RORA: variants seen among roughly 807,000 people sequenced by gnomAD.
RORA encodes nuclear receptor ROR-alpha.
A neutral mutation model predicts 69.5 loss-of-function variants in RORA; 7 were observed. That is an observed-to-expected ratio of 0.10 (90% CI 0.06 to 0.19). The LOEUF is 0.19. Among genes scored for constraint, RORA ranks in the 10% least tolerant of loss-of-function variants. The pLI, the probability that RORA is intolerant of heterozygous loss-of-function variation, is 1.00. For synonymous variants in RORA, 261 were observed against 240.8 expected, an observed-to-expected ratio of 1.08 and a Z score of -0.78; for missense variants, 457 against 663.0, an observed-to-expected ratio of 0.69 and a Z score of 3.41.
At chr15:60,722,311 G>A (rs1446238606) in intron 1 of RORA, among the ~76,000 whole-genome samples, 1 of 152,184 alleles carries the variant, frequency 6.6e-6, no homozygotes, top group African/African-American at 2.4e-5. Flanking sequence ...TGAAACTGAA[G>A]AGGAAATAAA....
chr15:60,920,160 A>G (rs1892000014), intron 1 of RORA, among the ~76,000 whole-genome samples: 1 of 152,182 alleles, frequency 6.6e-6, no homozygotes. Flanking sequence ...GCAGAAAAGA[A>G]AGCTTCCGGA....
At chr15:60,643,660 C>G (rs2069985085) in intron 2 of RORA, among the ~76,000 whole-genome samples, 1 of 152,146 alleles carries the variant, frequency 6.6e-6, no homozygotes, top group Non-Finnish European at 1.5e-5. Context: ...CTTGGCGACA[C>G]CCCCTAGCCT....
chr15:60,826,756 TCTCTCTCTCC>T (rs1246075342), intron 1 of RORA, among the ~76,000 whole-genome samples: 2 of 96,410 alleles, frequency 2.1e-5, no homozygotes, highest in African/African-American at 5.5e-5. Context: ...TCTCTCTCTC[TCTCTCTCTCC>T]CTCTCTCTCT....
chr15:60,676,133 G>A (rs898942769), intron 2 of RORA, among the ~76,000 whole-genome samples: 1 of 152,180 alleles, frequency 6.6e-6, no homozygotes, highest in Non-Finnish European at 1.5e-5. Context: ...GTATAGGCAA[G>A]TTAGGACAGT....
At chr15:61,211,695 T>C (rs962650931) in intron 1 of RORA, among the ~76,000 whole-genome samples, 3 of 152,278 alleles carry the variant, frequency 2.0e-5, no homozygotes, top group Admixed American at 6.5e-5. Flanking sequence ...AGGGATGCCT[T>C]TCCAACAGGG....
chr15:60,744,140 G>A (rs1039225030), intron 1 of RORA, among the ~76,000 whole-genome samples: 3 of 151,786 alleles, frequency 2.0e-5, no homozygotes, highest in Non-Finnish European at 4.4e-5. Flanking sequence ...ATTATGATAG[G>A]TGGAATTTTG....
At chr15:61,029,826 C>T (rs1034907978) in intron 1 of RORA, among the ~76,000 whole-genome samples, 13 of 152,108 alleles carry the variant, frequency 8.5e-5, no homozygotes, top group African/African-American at 3.1e-4. Flanking sequence ...GAGATCAAAG[C>T]CTTTGGTATC....
intron 1 of RORA, among the ~76,000 whole-genome samples, chr15:61,134,629 G>T (rs577378772): frequency 6.6e-5 from 10 of 152,316 alleles, no homozygotes; most frequent in Middle Eastern, 3.4e-3. Context: ...ATGGTCCAAT[G>T]TTGATTTATT....
At chr15:60,758,348 C>T (rs991037345) in intron 1 of RORA, among the ~76,000 whole-genome samples, 1 of 152,176 alleles carries the variant, frequency 6.6e-6, no homozygotes, top group Non-Finnish European at 1.5e-5. Context: ...TGGCAATTTG[C>T]CAGGTCTCGA....
chr15:61,033,768 G>T lies in RORA; in HGVS notation c.166+195285C>A, dbSNP rs374180521. Among the ~76,000 whole-genome samples, 22 of 152,212 alleles carry T rather than the reference G, an allele frequency of 1.4e-4. No individual in the cohort carries two copies. The East Asian group carries it at 2.9e-3, about 20-fold the overall frequency. ...CCAGATTTAGTATGAAAACAGGGAT[G>T]TAAAATATCTTATCAACAAGCCAGG... On this transcript the variant is annotated intron_variant, in intron 1 of 10. Coordinates refer to ENST00000335670, the MANE Select transcript of RORA (RefSeq NM_134261.3).
intron 1 of RORA, among the ~76,000 whole-genome samples, chr15:60,709,190 T>A (rs2071109603): frequency 6.6e-6 from 1 of 152,208 alleles, no homozygotes; most frequent in Admixed American, 6.5e-5. Flanking sequence ...TAAACATATC[T>A]TTGAAGTGAC....
intron 1 of RORA, among the ~76,000 whole-genome samples, chr15:60,837,377 C>T (rs2073131920): frequency 6.6e-6 from 1 of 152,226 alleles, no homozygotes; most frequent in African/African-American, 2.4e-5. Context: ...TTGGCGAACA[C>T]CAGCTCCTCT....
At position 61,132,069 on chromosome 15, in the gene RORA, C is replaced by T. The variant is rs145158093; in HGVS notation, c.166+96984G>A. Among the ~76,000 whole-genome samples the T allele has an allele frequency of 3.5e-3, 538 of 152,264 alleles. 4 individuals carry two copies. Among genetic ancestry groups the T allele is most frequent in the African/African-American group, 0.013 (522 of 41,540 alleles). On this transcript the variant is annotated intron_variant, in intron 1 of 10. Transcript: ENST00000335670. ...CTTTTTAAAATAGAAATCAGATTTGCATTCAAGTCTTTTAAAAAAGGAGGA... is the reference window on the plus strand; with the variant it reads ...CTTTTTAAAATAGAAATCAGATTTGTATTCAAGTCTTTTAAAAAAGGAGGA...
At chr15:60,723,265 C>T (rs557315125) in intron 1 of RORA, among the ~76,000 whole-genome samples, 1 of 151,862 alleles carries the variant, frequency 6.6e-6, no homozygotes, top group Non-Finnish European at 1.5e-5. Context: ...TAGCAGCTAC[C>T]CTTAGTTTCG....
chr15:60,925,218 A>T (rs1892177673), intron 1 of RORA, among the ~76,000 whole-genome samples: 1 of 152,218 alleles, frequency 6.6e-6, no homozygotes, highest in African/African-American at 2.4e-5. Context: ...CCACAGGTGT[A>T]GACTGCTCTC....
At chr15:60,946,540 G>C (rs1273965961) in intron 1 of RORA, among the ~76,000 whole-genome samples, 2 of 152,232 alleles carry the variant, frequency 1.3e-5, no homozygotes, top group African/African-American at 4.8e-5. Context: ...GAGTTGCCGG[G>C]ATTGCAGACG....
At chr15:60,653,104 A>G (rs907769307) in intron 2 of RORA, among the ~76,000 whole-genome samples, 2 of 152,184 alleles carry the variant, frequency 1.3e-5, no homozygotes, top group African/African-American at 4.8e-5. Context: ...TCGTTTCTAC[A>G]GGTTATGAAC....
intron 1 of RORA, among the ~76,000 whole-genome samples, chr15:60,814,283 AG>A (rs1241301573): frequency 2.0e-5 from 3 of 152,254 alleles, no homozygotes; most frequent in Non-Finnish European, 4.4e-5. Context: ...GCGTTCTTCA[AG>A]GCGTTCTGCA....
intron 1 of RORA, among the ~76,000 whole-genome samples, chr15:61,162,312 G>A (rs2079502733): frequency 6.6e-6 from 1 of 152,158 alleles, no homozygotes; most frequent in African/African-American, 2.4e-5. Context: ...TCGGTCCTGG[G>A]TCATTACAGT....
Sources: gnomAD v4.1 joint callset for allele counts (sites outside exome capture counted in the v4.1 genomes callset) on GRCh38, gnomAD v4.1.1 for gene constraint, MANE v1.5 for transcripts, NCBI Gene and HGNC (gene_info 2026-07-23, HGNC 2026-07-21) for gene names.